Variants in TEK observed in about 807,000 individuals in gnomAD.
TEK encodes the protein angiopoietin-1 receptor.
TEK carries 43 observed loss-of-function variants against 131.8 expected under a neutral mutation model. That is an observed-to-expected ratio of 0.33 (90% CI 0.26 to 0.42). TEK has a LOEUF of 0.42. Ranked by LOEUF, TEK falls within the 10% of genes least tolerant of loss-of-function variation. TEK has a pLI of 1.00. For missense variants in TEK, 1,162 were observed against 1,384.4 expected (o/e 0.84, Z 2.55); for synonymous variants, 580 against 491.6 (o/e 1.18, Z -2.38).
chr9:27,228,410 G>A, intron 22 of TEK, 105 bp downstream of exon 22: 2 of 887,434 alleles, frequency 2.3e-6, no homozygotes, highest in Admixed American at 2.0e-5. Flanking sequence ...TCTTGGCATG[G>A]CCCTAAGTAT....
chr9:27,131,480 A>AC (rs1822219268), intron 1 of TEK, among the ~76,000 whole-genome samples: 1 of 145,016 alleles, frequency 6.9e-6, no homozygotes, highest in African/African-American at 2.5e-5. Flanking sequence ...CCCTGTCTCA[A>AC]AAAAAAAAAA....
intron 2 of TEK, among the ~76,000 whole-genome samples, chr9:27,162,483 C>T (rs1318126144): frequency 6.6e-6 from 1 of 152,152 alleles, no homozygotes; most frequent in Non-Finnish European, 1.5e-5. Context: ...GTTTTCAGAT[C>T]CAAAGACCTG....
chr9:27,178,505 T>G (rs367582063), intron 6 of TEK, among the ~76,000 whole-genome samples: 9 of 152,200 alleles, frequency 5.9e-5, no homozygotes, highest in African/African-American at 2.2e-4. Flanking sequence ...AAAATACCAT[T>G]GCAATTTTGA....
intron 21 of TEK, 33 bp downstream of exon 21, chr9:27,220,178 C>G (rs1226890917): frequency 6.2e-7 from 1 of 1,606,394 alleles, no homozygotes; most frequent in East Asian, 2.2e-5. Flanking sequence ...GCTATTTTGT[C>G]TTACCTTCCC....
At chr9:27,216,117 G>A (rs1426197674) in intron 18 of TEK, among the ~76,000 whole-genome samples, 9 of 152,184 alleles carry the variant, frequency 5.9e-5, no homozygotes, top group Non-Finnish European at 1.2e-4. Flanking sequence ...ATAAAGTCCT[G>A]AAGGGCCTTG....
At chr9:27,110,846 G>T (rs1327550854) in intron 1 of TEK, among the ~76,000 whole-genome samples, 3 of 151,954 alleles carry the variant, frequency 2.0e-5, no homozygotes, top group Non-Finnish European at 2.9e-5. Flanking sequence ...GTATTTATGT[G>T]GAAATTGTTT....
At chr9:27,185,419 A>G (rs1435266047) in intron 8 of TEK, 66 bp from the exon 9 acceptor site, 9 of 1,592,060 alleles carry the variant, frequency 5.7e-6, no homozygotes, top group African/African-American at 1.3e-5. Flanking sequence ...GATGGGGTCA[A>G]TGTTATGGAC....
At chr9:27,225,097 G>GAAAT (rs541536176) in intron 21 of TEK, among the ~76,000 whole-genome samples, 141 of 152,246 alleles carry the variant, frequency 9.3e-4, no homozygotes, top group Middle Eastern at 6.8e-3. Context: ...ACTGCTCAAG[G>GAAAT]AAATAAGAGA....
At chr9:27,137,929 C>A (rs1480805456) in intron 1 of TEK, among the ~76,000 whole-genome samples, 1 of 152,110 alleles carries the variant, frequency 6.6e-6, no homozygotes, top group Non-Finnish European at 1.5e-5. Context: ...GATGGTGTGT[C>A]CAGAGTTTGT....
At position 27,197,407 on chromosome 9, in the gene TEK, G is replaced by A; in HGVS notation, c.1717G>A (p.Asp573Asn). 1 of 1,614,158 alleles carries A rather than the reference G, an allele frequency of 6.2e-7. No homozygotes were observed. Residue 573 changes from aspartate (D) to asparagine (N), a missense_variant, in exon 12 of 23, where the codon GAC becomes AAC. Around this residue, in one of 6 missense-constraint regions of TEK, gnomAD observed 477 missense variants for 471.0 expected, o/e 1.01. Coordinates refer to ENST00000380036, the MANE Select transcript of TEK (RefSeq NM_000459.5). ...ACCAATATTTCCAAGCTCGGAAGAT[G>A]ACTTTTATGTTGAAGTGGAGAGAAG... Reference protein sequence around the residue: ...WQPIFPSSEDDFYVEVERRSV... With the variant: ...WQPIFPSSEDNFYVEVERRSV...
chr9:27,206,051 G>C (rs892694764), intron 14 of TEK, among the ~76,000 whole-genome samples: 2 of 152,176 alleles, frequency 1.3e-5, no homozygotes, highest in Non-Finnish European at 2.9e-5. Flanking sequence ...TACTGTGTTG[G>C]GTTTGGCTCT....
intron 9 of TEK, among the ~76,000 whole-genome samples, chr9:27,186,688 C>T (rs1179717052): frequency 1.3e-5 from 2 of 152,150 alleles, no homozygotes; most frequent in African/African-American, 4.8e-5. Flanking sequence ...TTCTGAGTCT[C>T]TTGTGTTACA....
At chr9:27,146,641 T>C (rs1240999040) in intron 1 of TEK, among the ~76,000 whole-genome samples, 1 of 152,178 alleles carries the variant, frequency 6.6e-6, no homozygotes, top group African/African-American at 2.4e-5. Context: ...AGCTTGTTTA[T>C]GTATTTATCC....
chr9:27,191,487 G>C (rs1476216426), intron 10 of TEK, among the ~76,000 whole-genome samples: 1 of 152,014 alleles, frequency 6.6e-6, no homozygotes, highest in Non-Finnish European at 1.5e-5. Context: ...TAACATGCTT[G>C]TAGGCAGCAT....
chr9:27,204,131 AGACAAAACCAAAAGTTTCTCACCATTC>A (rs1448825614), intron 13 of TEK, among the ~76,000 whole-genome samples: 1 of 152,260 alleles, frequency 6.6e-6, no homozygotes, highest in Non-Finnish European at 1.5e-5. Context: ...TTTTAAAACA[AGACAAAACCAAAAGTTTCTCACCATTC>A]TAGACATCTC....
chr9:27,172,515 C>T, intron 4 of TEK, 101 bp from the exon 5 acceptor site: 13 of 1,501,026 alleles, frequency 8.7e-6, no homozygotes, highest in Non-Finnish European at 1.2e-5. Flanking sequence ...TATCTTTATT[C>T]ACCATTGTCC....
intron 1 of TEK, among the ~76,000 whole-genome samples, chr9:27,131,943 G>A (rs191671872): frequency 3.9e-5 from 6 of 152,072 alleles, no homozygotes; most frequent in South Asian, 2.1e-4. Context: ...TAACCATTTC[G>A]TACTGTGTTT....
intron 1 of TEK, among the ~76,000 whole-genome samples, chr9:27,151,062 A>T (rs1823111040): frequency 6.6e-6 from 1 of 152,156 alleles, no homozygotes; most frequent in African/African-American, 2.4e-5. Flanking sequence ...GATAACTCTG[A>T]ACTCCCAGCT....
intron 7 of TEK, 134 bp downstream of exon 7, chr9:27,180,502 A>G (rs1327602206): frequency 8.0e-7 from 1 of 1,255,496 alleles, no homozygotes; most frequent in Non-Finnish European, 1.1e-6. Context: ...GGAATAGTTT[A>G]TCCTAAATCC....
Sources: allele counts gnomAD v4.1 joint callset (sites outside exome capture counted in the v4.1 genomes callset), GRCh38; gene constraint gnomAD v4.1.1; regional missense constraint gnomAD v4.1.1; transcripts MANE v1.5; gene names NCBI Gene and HGNC (gene_info 2026-07-23, HGNC 2026-07-21).